PSD3: variants seen among roughly 807,000 people sequenced by gnomAD.
PSD3 encodes the protein pleckstrin and Sec7 domain containing 3.
In PSD3, 49 loss-of-function variants were observed where a neutral mutation model predicts 105.5. The observed-to-expected ratio is 0.46, with a 90% confidence interval of 0.37 to 0.59. The LOEUF is 0.59. Among genes scored for constraint, PSD3 ranks in the 20% least tolerant of loss-of-function variants. The pLI is 0.00. For missense variants in PSD3, 1,561 were observed against 1,263.8 expected (o/e 1.24, Z -3.57); for synonymous variants, 557 against 457.8 (o/e 1.22, Z -2.77).
rs753242016 is a variant in PSD3, at chr8:18,632,779, G to C, written c.2244C>G (p.Pro748=). The C allele has an allele frequency of 5.7e-6, 9 of 1,592,224 alleles. No homozygotes were observed. The Admixed American group carries it at 1.2e-4, about 21-fold the overall frequency. Reference sequence around the variant, plus strand: ...TAGCTTTCTCCTCAGTACTTTCTGAGGGAGACTTTTTTTTCTCTTCATCAT... The same window carrying C: ...TAGCTTTCTCCTCAGTACTTTCTGACGGAGACTTTTTTTTCTCTTCATCAT... ...AVDDEEKKKS[P]SESTEEKANG... The change falls in exon 11 of 16, where the codon CCC becomes CCG. Residue 748 remains proline (P), a synonymous_variant. Transcript: ENST00000327040.
intron 12 of PSD3, among the ~76,000 whole-genome samples, chr8:18,589,952 T>G (rs527652776): frequency 1.3e-5 from 2 of 152,262 alleles, no homozygotes; most frequent in East Asian, 3.9e-4. Context: ...CCATAACATA[T>G]TTTGCCACCT....
intron 1 of PSD3, among the ~76,000 whole-genome samples, chr8:18,970,042 C>T (rs1269843582): frequency 3.2e-5 from 2 of 62,612 alleles, no homozygotes; most frequent in East Asian, 1.3e-3. Flanking sequence ...CAAGAAACAA[C>T]CTCGGCCAGG....
chr8:18,657,550 T>C (rs10110045), intron 9 of PSD3, among the ~76,000 whole-genome samples: 12,664 of 152,244 alleles, frequency 0.083, 680 homozygotes, highest in East Asian at 0.17. Flanking sequence ...GCACAAAGAC[T>C]ATGCTATAAA....
intron 1 of PSD3, among the ~76,000 whole-genome samples, chr8:18,971,411 G>A (rs955971243): frequency 1.3e-5 from 2 of 152,158 alleles, no homozygotes; most frequent in African/African-American, 4.8e-5. Flanking sequence ...ATACTGTCAT[G>A]AGGACAATAC....
chr8:18,868,604 C>A (rs182031965), intron 3 of PSD3, among the ~76,000 whole-genome samples: 1 of 152,042 alleles, frequency 6.6e-6, no homozygotes. Context: ...AGAGATTTCA[C>A]GTCCAAAATT....
intron 2 of PSD3, among the ~76,000 whole-genome samples, chr8:18,887,275 C>A (rs1040448185): frequency 6.6e-6 from 1 of 152,168 alleles, no homozygotes; most frequent in Non-Finnish European, 1.5e-5. Context: ...TCCTGCTTTG[C>A]CAGTCCTTAT....
At chr8:18,604,006 A>T (rs1267691534) in intron 11 of PSD3, among the ~76,000 whole-genome samples, 1 of 152,162 alleles carries the variant, frequency 6.6e-6, no homozygotes, top group East Asian at 1.9e-4. Flanking sequence ...ATGAAAATGG[A>T]CCAATACAGA....
At chr8:18,578,809 A>G (rs186272979) in intron 12 of PSD3, among the ~76,000 whole-genome samples, 39 of 152,198 alleles carry the variant, frequency 2.6e-4, no homozygotes, top group Non-Finnish European at 5.0e-4. Context: ...CCTTGGAAGA[A>G]CTGCACCATT....
chr8:19,006,635 T>C (rs1273426913), intron 1 of PSD3, among the ~76,000 whole-genome samples: 1 of 152,090 alleles, frequency 6.6e-6, no homozygotes, highest in East Asian at 1.9e-4. Flanking sequence ...TACAGAGTAT[T>C]TGGGGATAAA....
intron 9 of PSD3, among the ~76,000 whole-genome samples, chr8:18,680,449 C>G (rs1410630191): frequency 1.3e-5 from 2 of 152,156 alleles, no homozygotes; most frequent in Non-Finnish European, 2.9e-5. Context: ...TGCACTGCCC[C>G]CTCATGGCCA....
intron 9 of PSD3, among the ~76,000 whole-genome samples, chr8:18,742,453 T>C (rs1362610319): frequency 2.0e-5 from 3 of 152,316 alleles, no homozygotes; most frequent in African/African-American, 7.2e-5. Flanking sequence ...AAAAAATCTT[T>C]ATAATCGTGA....
rs71510617 is a variant in PSD3 at position 18,686,969 on chromosome 8, C to A, written c.2173-31284G>T. 6.3e-3 allele frequency among the ~76,000 whole-genome samples: 955 copies of A among 152,268 alleles called. 5 individuals are homozygous for A. Among genetic ancestry groups the A allele is most frequent in the Non-Finnish European group, 0.01 (714 of 68,032 alleles). ...CCTTAAACAGCAGCCCAGCTCCACC[C>A]TAGTCATTCATTTGCCACCAAAACC... On this transcript the variant is annotated intron_variant, in intron 9 of 15. Transcript: ENST00000327040.
chr8:19,074,584 G>GATATATATATATATATATATATATAT (rs57891868), intron 1 of PSD3, among the ~76,000 whole-genome samples: 1 of 99,536 alleles, frequency 1.0e-5, no homozygotes, highest in Non-Finnish European at 2.1e-5. Context: ...TTACAACTCA[G>GATATATATATATATATATATATATAT]ATATATACAT....
At chr8:18,824,066 G>A (rs1482255818) in intron 4 of PSD3, among the ~76,000 whole-genome samples, 1 of 152,132 alleles carries the variant, frequency 6.6e-6, no homozygotes, top group African/African-American at 2.4e-5. Flanking sequence ...CTGCCTACTT[G>A]GGAGGCTGAG....
intron 1 of PSD3, among the ~76,000 whole-genome samples, chr8:18,936,559 C>T (rs1003394921): frequency 6.6e-6 from 1 of 152,068 alleles, no homozygotes; most frequent in Non-Finnish European, 1.5e-5. Context: ...GTCAGGAGTT[C>T]GAGACCAGCC....
intron 9 of PSD3, among the ~76,000 whole-genome samples, chr8:18,755,229 G>A (rs1805916388): frequency 6.6e-6 from 1 of 152,038 alleles, no homozygotes; most frequent in Non-Finnish European, 1.5e-5. Flanking sequence ...AGGAGTTCGA[G>A]ACCAGCCTGG....
intron 14 of PSD3, among the ~76,000 whole-genome samples, chr8:18,565,747 G>T (rs1801700277): frequency 6.6e-6 from 1 of 152,178 alleles, no homozygotes; most frequent in South Asian, 2.1e-4. Flanking sequence ...GGGAAAAAAA[G>T]ATAGCTGGTC....
At chr8:18,582,310 G>T (rs1368502326) in intron 12 of PSD3, among the ~76,000 whole-genome samples, 2 of 152,128 alleles carry the variant, frequency 1.3e-5, no homozygotes, top group African/African-American at 4.8e-5. Flanking sequence ...TTGCTGAATT[G>T]ACGTGGCACT....
At position 18,652,493 on chromosome 8, in the gene PSD3, G is replaced by GTTTTTTTTTTTTTTTT. The variant is rs67555804; in HGVS notation, c.2216+3133_2216+3148dup. Among the ~76,000 whole-genome samples the GTTTTTTTTTTTTTTTT allele has an allele frequency of 3.6e-4, 33 of 92,602 alleles. 1 individual carries two copies. Among genetic ancestry groups the GTTTTTTTTTTTTTTTT allele is most frequent in the East Asian group, 6.7e-4 (2 of 2,994 alleles). The allele number at this position is 92,602 out of a possible 152,430, so 60.8% of individuals were successfully genotyped here. On this transcript the variant is annotated intron_variant, in intron 10 of 15. Transcript: ENST00000327040. The stretch of plus-strand genomic sequence containing the variant: ...ACACTTTTATCAAGGAAAAAGCTTA[G>GTTTTTTTTTTTTTTTT]TTTTTTTTTTTTTTTTTTTTTTGAG...
Sources: allele counts gnomAD v4.1 joint callset (sites outside exome capture counted in the v4.1 genomes callset), GRCh38; gene constraint gnomAD v4.1.1; transcripts MANE v1.5; gene names NCBI Gene and HGNC (gene_info 2026-07-23, HGNC 2026-07-21).